The following LATS2 variants were observed in gnomAD, a reference collection of about 807,000 sequenced individuals.
LATS2 encodes the protein large tumor suppressor kinase 2.
Under a neutral mutation model 76.0 loss-of-function variants are expected in LATS2, and 24 were observed. The ratio of observed to expected loss-of-function variants is 0.32; its 90% CI spans 0.23 to 0.44. LATS2 has a LOEUF of 0.44. LATS2 is among the 20% of genes least tolerant of loss of function. The pLI, the probability that LATS2 is intolerant of heterozygous loss-of-function variation, is 1.00. For synonymous variants in LATS2, 692 were observed against 635.4 expected (o/e 1.09, Z -1.34); for missense variants, 1,286 against 1,481.2 (o/e 0.87, Z 2.16).
chr13:21,046,733 C>T (rs118094393), intron 1 of LATS2, among the ~76,000 whole-genome samples: 3,307 of 152,184 alleles, frequency 0.022, 55 homozygotes, highest in Non-Finnish European at 0.031. Context: ...CCTTATAAAA[C>T]CCTCCCAATT....
Position 20,983,556 on chromosome 13 carries a change from C to T in LATS2, c.2150G>A (p.Arg717Lys). ...ATTGTCTGCCTCGGCCAGGATGTCC[C>T]TCTCGGCCTTGACGTGGGCCACCTG... is the stretch of plus-strand genomic sequence containing the variant. ...RNQVAHVKAE[R>K]DILAEADNEW... is the part of the protein sequence containing the mutation. Residue 717 changes from arginine to lysine, a missense_variant, in exon 5 of 8, where the codon AGG (arginine) becomes AAG (lysine). This residue lies in a region of LATS2 where 247 missense variants were observed against 385.4 expected (regional missense o/e 0.64). Transcript: ENST00000382592. 1 of 1,614,102 alleles carries T rather than the reference C, an allele frequency of 6.2e-7. No homozygotes were observed. The highest frequency in any genetic ancestry group is 8.5e-7 in the Non-Finnish European group (1 of 1,180,014).
At chr13:20,998,491 G>GGATTGCCA (rs1224344139) in intron 2 of LATS2, among the ~76,000 whole-genome samples, 1 of 152,248 alleles carries the variant, frequency 6.6e-6, no homozygotes, top group East Asian at 1.9e-4. Context: ...CTTGCTTGGA[G>GGATTGCCA]GATTGCCAGC....
At chr13:21,052,277 C>T (rs1873296611) in intron 1 of LATS2, among the ~76,000 whole-genome samples, 1 of 152,122 alleles carries the variant, frequency 6.6e-6, no homozygotes, top group African/African-American at 2.4e-5. Flanking sequence ...TTTAATGAGG[C>T]CAGGAGATAA....
At chr13:21,045,242 T>A (rs1425170427) in intron 2 of LATS2, among the ~76,000 whole-genome samples, 2 of 151,882 alleles carry the variant, frequency 1.3e-5, no homozygotes, top group African/African-American at 4.8e-5. Context: ...AGTCAGAGAA[T>A]AGCCAATGCA....
At chr13:21,001,434 GCT>G (rs1374231145) in intron 2 of LATS2, among the ~76,000 whole-genome samples, 4 of 152,162 alleles carry the variant, frequency 2.6e-5, no homozygotes, top group Non-Finnish European at 5.9e-5. Context: ...TTGAATATTG[GCT>G]GGCCTGTGAT....
chr13:20,999,269 G>A (rs1163404902), intron 2 of LATS2, among the ~76,000 whole-genome samples: 3 of 152,228 alleles, frequency 2.0e-5, no homozygotes, highest in African/African-American at 2.4e-5. Context: ...TGGTGGCGCC[G>A]CAGGCCCCCG....
At chr13:20,996,411 T>G (rs898707110) in intron 2 of LATS2, among the ~76,000 whole-genome samples, 1 of 150,990 alleles carries the variant, frequency 6.6e-6, no homozygotes, top group Non-Finnish European at 1.5e-5. Flanking sequence ...CAGAGGCTCG[T>G]TCTGTCCCCC....
At chr13:21,008,134 C>G (rs1383079298) in intron 2 of LATS2, among the ~76,000 whole-genome samples, 1 of 152,092 alleles carries the variant, frequency 6.6e-6, no homozygotes, top group Non-Finnish European at 1.5e-5. Flanking sequence ...GGACGAGGAG[C>G]TGACAGGCCA....
intron 1 of LATS2, among the ~76,000 whole-genome samples, chr13:21,049,840 G>A (rs1036131320): frequency 1.3e-4 from 20 of 152,266 alleles, no homozygotes; most frequent in Non-Finnish European, 2.5e-4. Flanking sequence ...AGGGAAGCTG[G>A]CCGGGCACTG....
At chr13:21,008,058 C>T (rs913944564) in intron 2 of LATS2, among the ~76,000 whole-genome samples, 1 of 151,844 alleles carries the variant, frequency 6.6e-6, no homozygotes, top group Non-Finnish European at 1.5e-5. Flanking sequence ...CGTACCCAGC[C>T]CTGACTTCTG....
chr13:21,037,893 C>T (rs557501002), intron 2 of LATS2, among the ~76,000 whole-genome samples: 33 of 152,278 alleles, frequency 2.2e-4, no homozygotes, highest in African/African-American at 7.7e-4. Context: ...TGTCCGCCAA[C>T]TCCCAGGCAC....
rs181809156 is a variant in LATS2, at chr13:21,013,853, C to T, written c.343-22449G>A. ...AGGTGTGACCACACATGCCTGTGGTCCCAGCTACTCAAGAGGCTAAGATGG... is the reference window on the plus strand; with the variant it reads ...AGGTGTGACCACACATGCCTGTGGTTCCAGCTACTCAAGAGGCTAAGATGG... On this transcript the variant is annotated intron_variant, in intron 2 of 7. Coordinates refer to ENST00000382592, the MANE Select transcript of LATS2 (RefSeq NM_014572.3). Among the ~76,000 whole-genome samples the T allele has an allele frequency of 1.3e-3, 200 of 152,106 alleles. 2 individuals are homozygous for T. The highest frequency in any genetic ancestry group is 4.6e-3 in the African/African-American group (189 of 41,480).
intron 2 of LATS2, among the ~76,000 whole-genome samples, chr13:21,014,745 G>T (rs532803491): frequency 1.3e-5 from 2 of 152,320 alleles, no homozygotes; most frequent in East Asian, 3.9e-4. Context: ...AAGGAAAGAA[G>T]AAATATGATA....
At chr13:20,998,098 T>C (rs1401279716) in intron 2 of LATS2, among the ~76,000 whole-genome samples, 1 of 152,180 alleles carries the variant, frequency 6.6e-6, no homozygotes, top group Non-Finnish European at 1.5e-5. Flanking sequence ...AAGTTGTAGC[T>C]GACGCCTGTA....
chr13:20,988,562 G>C lies in LATS2; in HGVS notation c.1218C>G (p.Thr406=), dbSNP rs764310023. 6.3e-7 allele frequency: 1 copy of C among 1,584,886 alleles called. No individual in the cohort carries two copies. Among genetic ancestry groups the C allele is most frequent in the African/African-American group, 1.3e-5 (1 of 74,636 alleles). Reference sequence around the variant, plus strand: ...GCGGCTGGTGGCTGTTGAAGGAGTTGGTCCTGCTGGGCACTGGGCAGTCAG... The same window carrying C: ...GCGGCTGGTGGCTGTTGAAGGAGTTCGTCCTGCTGGGCACTGGGCAGTCAG... ...FRPDCPVPSR[T]NSFNSHQPRP... is the part of the protein sequence containing the mutation. Residue 406 remains threonine (T), a synonymous_variant, in exon 4 of 8, where the codon ACC becomes ACG. Coordinates refer to ENST00000382592, the MANE Select transcript of LATS2 (RefSeq NM_014572.3).
rs1336747943 is a variant in LATS2, at chr13:20,974,968, T to C, written c.3169A>G (p.Lys1057Glu). Residue 1057 changes from lysine (K) to glutamate (E), a missense_variant, in exon 8 of 8, where the codon AAG (lysine) becomes GAG (glutamate). Lys to Glu is a moderately conservative substitution (Grantham distance 56). Transcript: ENST00000382592. Reference sequence around the variant, plus strand: ...TGTGAAGCTTCTGCTCCTGAAGGCTTTGGGCATCGAAAGGGGTAGCCATTG... The same window carrying C: ...TGTGAAGCTTCTGCTCCTGAAGGCTCTGGGCATCGAAAGGGGTAGCCATTG... ...DDNGYPFRCPKPSGAEASQAE... is the reference protein window; with the variant it reads ...DDNGYPFRCPEPSGAEASQAE... 2.5e-6 allele frequency: 4 copies of C among 1,614,092 alleles called. No homozygotes were observed. The highest frequency in any genetic ancestry group is 2.2e-5 in the East Asian group (1 of 44,894).
chr13:21,018,239 C>T (rs879716837), intron 2 of LATS2: 1 of 152,166 alleles, frequency 6.6e-6, no homozygotes, highest in Non-Finnish European at 1.5e-5. Context: ...TTAAAAAATA[C>T]TGTATGAAAA....
At chr13:21,047,549 A>G (rs915566273) in intron 1 of LATS2, among the ~76,000 whole-genome samples, 1 of 152,190 alleles carries the variant, frequency 6.6e-6, no homozygotes, top group Non-Finnish European at 1.5e-5. Flanking sequence ...ATTTCGAAGG[A>G]TAATCATTTT....
chr13:21,040,815 C>T (rs758401309), intron 2 of LATS2, among the ~76,000 whole-genome samples: 1 of 151,980 alleles, frequency 6.6e-6, no homozygotes, highest in African/African-American at 2.4e-5. Flanking sequence ...AAACTCCATG[C>T]CCCACAGACA....
Sources: gnomAD v4.1 joint callset for allele counts (sites outside exome capture counted in the v4.1 genomes callset) on GRCh38, gnomAD v4.1.1 for gene constraint, gnomAD v4.1.1 regional missense constraint, MANE v1.5 for transcripts, NCBI Gene and HGNC (gene_info 2026-07-23, HGNC 2026-07-21) for gene names.